The following ASTN2 variants were observed in gnomAD, a reference collection of about 807,000 sequenced individuals.
The protein encoded by ASTN2 is astrotactin 2, also known as astrotactin-2.
Under a neutral mutation model 139.8 loss-of-function variants are expected in ASTN2, and 54 were observed. That is an observed-to-expected ratio of 0.39 (90% CI 0.31 to 0.48). The LOEUF is 0.48. Ranked by LOEUF, ASTN2 falls within the 20% of genes least tolerant of loss-of-function variation. The pLI is 0.95. For missense variants in ASTN2, 1,565 were observed against 1,725.1 expected (o/e 0.91, Z 1.64); for synonymous variants, 756 against 719.5 (o/e 1.05, Z -0.81).
intron 20 of ASTN2, among the ~76,000 whole-genome samples, chr9:116,454,831 T>G (rs906041503): frequency 6.6e-6 from 1 of 151,978 alleles, no homozygotes; most frequent in Non-Finnish European, 1.5e-5. Context: ...TAGGTGGGAA[T>G]TGAACAATAA....
intron 7 of ASTN2, among the ~76,000 whole-genome samples, chr9:116,989,112 A>G (rs1412208844): frequency 2.0e-5 from 3 of 152,152 alleles, no homozygotes; most frequent in Non-Finnish European, 4.4e-5. Flanking sequence ...AGGGTTCTTC[A>G]CTCCACAGAA....
chr9:117,254,180 G>T (rs1209755588), intron 2 of ASTN2, among the ~76,000 whole-genome samples: 1 of 152,028 alleles, frequency 6.6e-6, no homozygotes, highest in African/African-American at 2.4e-5. Context: ...ATAGAATGAT[G>T]GTATGAGAAA....
intron 20 of ASTN2, among the ~76,000 whole-genome samples, chr9:116,486,693 TAG>T (rs969625232): frequency 1.1e-4 from 16 of 152,194 alleles, no homozygotes; most frequent in Non-Finnish European, 2.4e-4. Context: ...TGGTTGCATC[TAG>T]ATCTAAAAAC....
chr9:117,054,045 A>G (rs1046693241), intron 5 of ASTN2, among the ~76,000 whole-genome samples: 1 of 151,012 alleles, frequency 6.6e-6, no homozygotes, highest in East Asian at 1.9e-4. Flanking sequence ...AAAAAAAAAC[A>G]AAAGAGGAGA....
At chr9:116,766,030 A>G (rs1829797449) in intron 13 of ASTN2, among the ~76,000 whole-genome samples, 2 of 152,180 alleles carry the variant, frequency 1.3e-5, no homozygotes, top group Non-Finnish European at 2.9e-5. Flanking sequence ...ACCTGTCAAT[A>G]TAACTATTAA....
intron 1 of ASTN2, among the ~76,000 whole-genome samples, chr9:117,318,990 T>C (rs767570911): frequency 5.3e-5 from 8 of 152,222 alleles, no homozygotes; most frequent in South Asian, 2.1e-4. Context: ...ATTTGTTTTC[T>C]ACAGGGCACC....
intron 19 of ASTN2, among the ~76,000 whole-genome samples, chr9:116,537,342 T>G (rs1851683764): frequency 1.3e-5 from 2 of 152,234 alleles, no homozygotes; most frequent in East Asian, 3.8e-4. Context: ...TTATTCATGT[T>G]TACATAATGG....
At chr9:116,712,493 A>G (rs1369794597) in intron 16 of ASTN2, among the ~76,000 whole-genome samples, 2 of 152,234 alleles carry the variant, frequency 1.3e-5, no homozygotes, top group Non-Finnish European at 2.9e-5. Flanking sequence ...TTGTTGCTGA[A>G]TAAAACCAGA....
At chr9:117,365,296 AG>A (rs1829810052) in intron 1 of ASTN2, among the ~76,000 whole-genome samples, 2 of 148,710 alleles carry the variant, frequency 1.3e-5, no homozygotes, top group African/African-American at 5.2e-5. Context: ...AGAAATAGAA[AG>A]AAAAAGAAAG....
At position 116,618,381 on chromosome 9, in the gene ASTN2, C is replaced by T. The variant is rs750176628; in HGVS notation, c.3298G>A (p.Asp1100Asn). 13 of 1,614,000 alleles carry T rather than the reference C, an allele frequency of 8.1e-6. No individual in the cohort carries two copies. The highest frequency in any genetic ancestry group is 1.0e-5 in the Non-Finnish European group (12 of 1,180,006). Residue 1100 changes from aspartate (D) to asparagine (N), a missense_variant, in exon 19 of 23, where the codon GAC (aspartate) becomes AAC (asparagine). Transcript: ENST00000313400. ...VQPAIGTKVS[D>N]YILQHKKVDE... ...ACTTTCTTATGCTGCAGAATATAGT[C>T]GGAGACCTTGGTCCCAATAGCTGGC...
At chr9:117,016,944 T>C (rs968765660) in intron 6 of ASTN2, among the ~76,000 whole-genome samples, 2 of 151,678 alleles carry the variant, frequency 1.3e-5, no homozygotes, top group African/African-American at 4.8e-5. Context: ...CTGTCTTCCC[T>C]ACCTCAGACT....
At chr9:116,540,832 C>T (rs1439829170) in intron 19 of ASTN2, 1 of 152,104 alleles carries the variant, frequency 6.6e-6, no homozygotes, top group Admixed American at 6.5e-5. Flanking sequence ...TTTTATCTTG[C>T]AGTCTCCAAA....
At chr9:117,303,288 A>G in intron 1 of ASTN2, among the ~76,000 whole-genome samples, 1 of 152,204 alleles carries the variant, frequency 6.6e-6, no homozygotes, top group East Asian at 1.9e-4. Context: ...AGATTAAAAT[A>G]GAAACCCAAG....
Position 117,094,183 on chromosome 9 carries a change from GGAGGA to G in ASTN2, c.1276+1856_1276+1860del, listed in dbSNP as rs71379260. Reference sequence around the variant, plus strand: ...GGGAGGAAGGGAGGAAGGGAGGGAGGGAGGAGAGGAGAGGAGAGGAGAGGAGAGGA... The same window carrying G: ...GGGAGGAAGGGAGGAAGGGAGGGAGGGAGGAGAGGAGAGGAGAGGAGAGGA... On this transcript the variant is annotated intron_variant, in intron 5 of 22. Transcript: ENST00000313400. 6.8e-3 allele frequency among the ~76,000 whole-genome samples: 837 copies of G among 122,198 alleles called. 4 individuals are homozygous for G. The highest frequency in any genetic ancestry group is 0.025 in the South Asian group (86 of 3,374). The allele number at this position is 122,198 out of a possible 152,430, so 80.2% of individuals were successfully genotyped here.
chr9:117,239,387 G>C (rs997083743), intron 2 of ASTN2, among the ~76,000 whole-genome samples: 1 of 152,060 alleles, frequency 6.6e-6, no homozygotes, highest in African/African-American at 2.4e-5. Flanking sequence ...TCTATAATAG[G>C]ATCTTCATCA....
At chr9:117,343,949 A>G (rs539739596) in intron 1 of ASTN2, among the ~76,000 whole-genome samples, 1 of 152,178 alleles carries the variant, frequency 6.6e-6, no homozygotes, top group African/African-American at 2.4e-5. Context: ...GTAGAGGGAG[A>G]GAAGAAGGAA....
intron 5 of ASTN2, among the ~76,000 whole-genome samples, chr9:117,076,795 T>G (rs1393364791): frequency 6.6e-6 from 1 of 152,180 alleles, no homozygotes; most frequent in Admixed American, 6.5e-5. Context: ...ACAGCCTCTT[T>G]AACATCCCTG....
chr9:116,802,361 C>T (rs1407413626), intron 13 of ASTN2, among the ~76,000 whole-genome samples: 1 of 152,176 alleles, frequency 6.6e-6, no homozygotes, highest in Non-Finnish European at 1.5e-5. Flanking sequence ...GCTGGGATGA[C>T]AGGCATGAGC....
At chr9:116,753,992 C>G (rs1443366771) in intron 13 of ASTN2, among the ~76,000 whole-genome samples, 2 of 150,018 alleles carry the variant, frequency 1.3e-5, no homozygotes, top group African/African-American at 4.9e-5. Context: ...CCGCTGCCCC[C>G]ACCCCCGCCC....
Sources: gnomAD v4.1 joint callset for allele counts (sites outside exome capture counted in the v4.1 genomes callset) on GRCh38, gnomAD v4.1.1 for gene constraint, MANE v1.5 for transcripts, NCBI Gene and HGNC (gene_info 2026-07-23, HGNC 2026-07-21) for gene names.